The following SSBP2 variants were observed in gnomAD, a reference collection of about 807,000 sequenced individuals.
SSBP2 encodes single-stranded DNA-binding protein 2.
Under a neutral mutation model 61.8 loss-of-function variants are expected in SSBP2, and 17 were observed. The ratio of observed to expected loss-of-function variants is 0.28; its 90% CI spans 0.19 to 0.41. SSBP2 has a LOEUF of 0.41. SSBP2 is among the 10% of genes least tolerant of loss of function. The pLI, the probability that SSBP2 is intolerant of heterozygous loss-of-function variation, is 1.00. For synonymous variants in SSBP2, 139 were observed against 141.3 expected (o/e 0.98, Z 0.12); for missense variants, 310 against 458.7 (o/e 0.68, Z 2.96).
chr5:81,502,256 G>A (rs2154071832), intron 5 of SSBP2, among the ~76,000 whole-genome samples: 1 of 152,298 alleles, frequency 6.6e-6, no homozygotes, highest in African/African-American at 2.4e-5. Flanking sequence ...CCTATCAGCA[G>A]TATTGGACAC....
intron 4 of SSBP2, among the ~76,000 whole-genome samples, chr5:81,525,487 C>G (rs150150340): frequency 6.8e-4 from 104 of 152,050 alleles, no homozygotes; most frequent in African/African-American, 2.4e-3. Flanking sequence ...TTCAGTAGAG[C>G]TAACATTCTT....
In SSBP2 at chr5:81,513,809, C is replaced by G. The variant is rs918129969; in HGVS notation, c.283-92G>C. The G allele has an allele frequency of 4.2e-5, 31 of 744,214 alleles. No homozygotes were observed. The African/African-American group carries it at 5.1e-4, about 12-fold the overall frequency. 46.1% of individuals were successfully genotyped at this position (744,214 alleles called of 1,614,324 possible). A position where few individuals can be genotyped will look rare whatever the true frequency, so the allele number is the denominator to read the frequency against. ...ATAATAGATTGCAGGACGGGATGCT[C>G]TTTCATGCCTGGGAACAAATACTGG... On this transcript the variant is annotated intron_variant, in intron 4 of 16. Transcript: ENST00000320672.
intron 1 of SSBP2, among the ~76,000 whole-genome samples, chr5:81,733,966 T>C (rs1229207283): frequency 2.0e-5 from 3 of 152,170 alleles, no homozygotes; most frequent in Non-Finnish European, 4.4e-5. Context: ...CTTGCAATTA[T>C]ATGAAAAAAA....
chr5:81,598,191 A>G (rs774046697), intron 4 of SSBP2, among the ~76,000 whole-genome samples: 34 of 152,222 alleles, frequency 2.2e-4, no homozygotes, highest in Non-Finnish European at 4.4e-4. Flanking sequence ...AAAATCCCCC[A>G]AGACAAAAAG....
chr5:81,683,891 A>T (rs1241905245), intron 1 of SSBP2, among the ~76,000 whole-genome samples: 1 of 152,186 alleles, frequency 6.6e-6, no homozygotes, highest in Non-Finnish European at 1.5e-5. Flanking sequence ...ATTTCAAGTT[A>T]AAACTAAATA....
chr5:81,443,802 T>A (rs1203289813), intron 12 of SSBP2, among the ~76,000 whole-genome samples: 1 of 152,216 alleles, frequency 6.6e-6, no homozygotes, highest in Non-Finnish European at 1.5e-5. Context: ...GACCCTGTGA[T>A]CTGCCCACCT....
At chr5:81,686,434 T>C (rs1425402054) in intron 1 of SSBP2, among the ~76,000 whole-genome samples, 1 of 152,178 alleles carries the variant, frequency 6.6e-6, no homozygotes, top group Non-Finnish European at 1.5e-5. Flanking sequence ...TAAAATCAAC[T>C]TGCAAAATCT....
At chr5:81,727,484 G>C (rs1197023603) in intron 1 of SSBP2, among the ~76,000 whole-genome samples, 1 of 152,096 alleles carries the variant, frequency 6.6e-6, no homozygotes, top group African/African-American at 2.4e-5. Context: ...AGGAGGCAGA[G>C]GTTGCAGTGA....
chr5:81,672,875 CTT>C (rs574442708), intron 1 of SSBP2, among the ~76,000 whole-genome samples: 12 of 140,932 alleles, frequency 8.5e-5, no homozygotes, highest in Non-Finnish European at 9.3e-5. Context: ...CACCTGGCCT[CTT>C]TTTTTTTTTT....
chr5:81,556,865 T>C (rs1436703734), intron 4 of SSBP2, among the ~76,000 whole-genome samples: 2 of 152,164 alleles, frequency 1.3e-5, no homozygotes, highest in East Asian at 3.8e-4. Context: ...TGCAGGTATC[T>C]AGCCCAAAGG....
intron 2 of SSBP2, among the ~76,000 whole-genome samples, chr5:81,644,114 TTAGTGGC>T (rs1749057970): frequency 6.6e-6 from 1 of 152,186 alleles, no homozygotes; most frequent in Non-Finnish European, 1.5e-5. Context: ...TCACACATAA[TTAGTGGC>T]TACCTTATTT....
chr5:81,515,427 T>G (rs944882163), intron 4 of SSBP2, among the ~76,000 whole-genome samples: 1 of 151,994 alleles, frequency 6.6e-6, no homozygotes, highest in Non-Finnish European at 1.5e-5. Context: ...TACTTTCAAA[T>G]GTATACTGTA....
chr5:81,437,393 T>C (rs777994555), intron 15 of SSBP2, 37 bp downstream of exon 15: 2 of 1,578,730 alleles, frequency 1.3e-6, no homozygotes, highest in African/African-American at 1.4e-5. Flanking sequence ...TTAAATAAAA[T>C]TCTGATTAAA....
intron 6 of SSBP2, among the ~76,000 whole-genome samples, chr5:81,484,348 A>T (rs1166247200): frequency 6.6e-6 from 1 of 152,146 alleles, no homozygotes; most frequent in East Asian, 1.9e-4. Flanking sequence ...ATAAAACTAT[A>T]ACTTAAATTA....
intron 1 of SSBP2, among the ~76,000 whole-genome samples, chr5:81,653,059 T>C (rs1024207232): frequency 1.3e-5 from 2 of 151,630 alleles, no homozygotes; most frequent in African/African-American, 4.8e-5. Flanking sequence ...CAACCCCTCA[T>C]CTACATTAGG....
At chr5:81,518,094 C>A (rs1196968644) in intron 4 of SSBP2, among the ~76,000 whole-genome samples, 1 of 151,914 alleles carries the variant, frequency 6.6e-6, no homozygotes, top group Non-Finnish European at 1.5e-5. Flanking sequence ...AGTGAAGAAT[C>A]AAGACAGTCT....
Position 81,653,697 on chromosome 5 carries a change from A to G in SSBP2, c.63-3358T>C, listed in dbSNP as rs138837733. 7.0e-3 allele frequency among the ~76,000 whole-genome samples: 1,070 copies of G among 152,294 alleles called. 19 individuals are homozygous for G. The highest frequency in any genetic ancestry group is 0.025 in the African/African-American group (1,025 of 41,546). ...TTTGATTTGCATTTCTCTAATGTCC[A>G]GTGATAATGAGCTTTTTTTCATGTT... is the stretch of plus-strand genomic sequence containing the variant. On this transcript the variant is annotated intron_variant, in intron 1 of 16. Coordinates refer to ENST00000320672, the MANE Select transcript of SSBP2 (RefSeq NM_012446.5).
chr5:81,553,648 T>C (rs1455254124), intron 4 of SSBP2, among the ~76,000 whole-genome samples: 1 of 152,132 alleles, frequency 6.6e-6, no homozygotes, highest in Non-Finnish European at 1.5e-5. Context: ...TATTGCTTCA[T>C]ATATTTATAT....
intron 5 of SSBP2, among the ~76,000 whole-genome samples, chr5:81,505,427 C>T (rs972037989): frequency 5.3e-5 from 8 of 152,058 alleles, no homozygotes; most frequent in Admixed American, 1.3e-4. Context: ...AAATCTATTC[C>T]CCCTAAATAT....
Sources: allele counts gnomAD v4.1 joint callset (sites outside exome capture counted in the v4.1 genomes callset), GRCh38; gene constraint gnomAD v4.1.1; transcripts MANE v1.5; gene names NCBI Gene and HGNC (gene_info 2026-07-23, HGNC 2026-07-21).